BBC3: variants seen among roughly 807,000 people sequenced by gnomAD.
The protein encoded by BBC3 is bcl-2-binding component 3.
In BBC3, 5 loss-of-function variants were observed where a neutral mutation model predicts 18.2. The ratio of observed to expected loss-of-function variants is 0.27; its 90% confidence interval spans 0.14 to 0.58. The LOEUF is 0.58. BBC3 is among the 20% of genes least tolerant of loss of function. The pLI is 0.91. For synonymous variants in BBC3, 119 were observed against 128.0 expected, an observed-to-expected ratio of 0.93 and a Z score of 0.47; for missense variants, 224 against 268.9, an observed-to-expected ratio of 0.83 and a Z score of 1.17.
At chr19:47,229,849 C>T (rs2058888092) in intron 1 of BBC3, among the ~76,000 whole-genome samples, 1 of 152,104 alleles carries the variant, frequency 6.6e-6, no homozygotes, top group Non-Finnish European at 1.5e-5. Flanking sequence ...TGACAACTCA[C>T]ACAGACACCT....
At chr19:47,226,879 A>G (rs950179310) in intron 2 of BBC3, 125 bp from the exon 3 acceptor site, 3 of 871,804 alleles carry the variant, frequency 3.4e-6, no homozygotes, top group Non-Finnish European at 4.8e-6. Context: ...ATCGCTAGTG[A>G]GTCAATTTCT....
chr19:47,226,496 G>T, intron 3 of BBC3, 68 bp downstream of exon 3: 1 of 1,455,864 alleles, frequency 6.9e-7, no homozygotes. Context: ...ACATCTGGCG[G>T]GGGCCGCCTG....
In BBC3 at chr19:47,231,100, C is replaced by G; in HGVS notation, c.-187G>C. On this transcript the variant is annotated 5_prime_UTR_variant, in exon 1 of 4. Coordinates refer to ENST00000439096, the MANE Select transcript of BBC3 (RefSeq NM_014417.5). This position sits in a 1 kb window ranked among gnomAD's most constrained non-coding sequence, Gnocchi z 4.0. Reference sequence around the variant, plus strand: ...TGTGGCTGTGGCTGCTGCTGCTCCCCGGGCCGCAGGCGCGTCCGCGTCGTG... The same window carrying G: ...TGTGGCTGTGGCTGCTGCTGCTCCCGGGGCCGCAGGCGCGTCCGCGTCGTG... 1.0e-6 allele frequency: 1 copy of G among 973,618 alleles called. No homozygotes were observed. Among genetic ancestry groups the G allele is most frequent in the East Asian group, 1.1e-4 (1 of 8,788 alleles). The allele number at this position is 973,618 out of a possible 1,614,324, so 60.3% of individuals were successfully genotyped here.
At position 47,226,556 on chromosome 19, in the gene BBC3, G is replaced by A. The variant is rs753260195; in HGVS notation, c.465+8C>T. ...CCACCTGCCGTCTACCCCACCCCCAGCACTCACCCGCCGCTCGTACTGTGC... is the reference window on the plus strand; with the variant it reads ...CCACCTGCCGTCTACCCCACCCCCAACACTCACCCGCCGCTCGTACTGTGC... On this transcript the variant is annotated splice_region_variant and intron_variant, in intron 3 of 3. Coordinates refer to ENST00000439096, the MANE Select transcript of BBC3 (RefSeq NM_014417.5). The A allele has an allele frequency of 9.1e-6, 14 of 1,544,380 alleles. No homozygotes were observed. Among genetic ancestry groups the A allele is most frequent in the Middle Eastern group, 1.7e-4 (1 of 5,842 alleles).
chr19:47,221,943 A>C, intron 3 of BBC3, 25 bp from the exon 4 acceptor site: 1 of 1,579,052 alleles, frequency 6.3e-7, no homozygotes, highest in Non-Finnish European at 8.6e-7. Context: ...GAGAAGGGGC[A>C]GTTAGCAGGG....
upstream of BBC3, among the ~76,000 whole-genome samples, chr19:47,232,223 T>C (rs2058921572): frequency 6.6e-6 from 1 of 152,188 alleles, no homozygotes. Context: ...TTGTGGCGCA[T>C]GCCTGTAATC....
In BBC3 at chr19:47,226,719, G is replaced by A. The variant is rs1463600288; in HGVS notation, c.310C>T (p.Leu104=). ...QPSLSLAEQH[L]ESPVPSAPGA... The stretch of plus-strand genomic sequence containing the variant: ...GGGGCGCTGGGCACGGGCGACTCCA[G>A]GTGCTGCTCCGCCAGCGAGAGCGAG... The change falls in exon 3 of 4, where the codon CTG becomes TTG. Residue 104 remains leucine (L), a synonymous_variant. Transcript: ENST00000439096. 2.1e-6 allele frequency: 3 copies of A among 1,427,748 alleles called. No homozygotes were observed. The allele number at this position is 1,427,748 out of a possible 1,614,324, so 88.4% of individuals were successfully genotyped here.
upstream of BBC3, chr19:47,232,667 T>TG (rs140410047): frequency 7.8e-4 from 1,121 of 1,433,330 alleles, 6 homozygotes; most frequent in African/African-American, 0.014. Flanking sequence ...TGCCCTGCTC[T>TG]GGTTTGGTGA....
intron 3 of BBC3, among the ~76,000 whole-genome samples, chr19:47,226,293 C>T (rs2058818933): frequency 1.3e-5 from 2 of 151,834 alleles, no homozygotes; most frequent in East Asian, 1.9e-4. Context: ...GGCCGCGGGC[C>T]ACGGGCGCGC....
At chr19:47,232,739 C>G, upstream of BBC3, 1 of 738,386 alleles carries the variant, frequency 1.4e-6, no homozygotes, top group Non-Finnish European at 2.2e-6. Context: ...TCCATCCTTA[C>G]TGGGTCTCAC....
rs990400673 is a variant in BBC3, at chr19:47,221,524, C to T, written c.*278G>A. The stretch of plus-strand genomic sequence containing the variant: ...GGCGGCAGAGGCGGGCGGCTCAGTC[C>T]CCACCCCCTCGGTCACCGCCACCTT... On this transcript the variant is annotated 3_prime_UTR_variant, in exon 4 of 4. Transcript: ENST00000439096. 3.5e-6 allele frequency: 2 copies of T among 579,294 alleles called. No homozygotes were observed. Among genetic ancestry groups the T allele is most frequent in the African/African-American group, 3.9e-5 (2 of 50,816 alleles). The allele number at this position is 579,294 out of a possible 1,614,324, so 35.9% of individuals were successfully genotyped here. A position where few individuals can be genotyped will look rare whatever the true frequency, so the allele number is the denominator to read the frequency against.
intron 3 of BBC3, 123 bp from the exon 4 acceptor site, chr19:47,222,041 C>G (rs145749398): frequency 0.02 from 17,037 of 854,126 alleles, 228 homozygotes; most frequent in Non-Finnish European, 0.024. Context: ...CTCCTCCCCC[C>G]GCCTGGGCTA....
chr19:47,227,532 G>A (rs1370510910), intron 2 of BBC3, among the ~76,000 whole-genome samples: 1 of 152,118 alleles, frequency 6.6e-6, no homozygotes, highest in Non-Finnish European at 1.5e-5. Flanking sequence ...ACAAGATGGG[G>A]GATGGGAAAC....
upstream of BBC3, chr19:47,232,787 A>G (rs900790258): frequency 2.2e-5 from 11 of 501,062 alleles, no homozygotes; most frequent in East Asian, 3.3e-5. Context: ...CTCACCTTCC[A>G]GTGCCTAGTG....
rs1477214746 is a variant in BBC3 at position 47,221,635 on chromosome 19, T to C, written c.*167A>G. The C allele has an allele frequency of 1.4e-6, 2 of 1,397,754 alleles. No individual in the cohort carries two copies. Among genetic ancestry groups the C allele is most frequent in the Non-Finnish European group, 1.9e-6 (2 of 1,040,074 alleles). The allele number at this position is 1,397,754 out of a possible 1,614,324, so 86.6% of individuals were successfully genotyped here. A position where few individuals can be genotyped will look rare whatever the true frequency, so the allele number is the denominator to read the frequency against. ...GCATCTCCGTCAGTGCACCCCAGGC[T>C]GGGCTGGGGCTGGAGTGGCTGCCCC... On this transcript the variant is annotated 3_prime_UTR_variant, in exon 4 of 4. Coordinates refer to ENST00000439096, the MANE Select transcript of BBC3 (RefSeq NM_014417.5).
chr19:47,226,989 G>C (rs1242029390), intron 2 of BBC3: 3 of 403,648 alleles, frequency 7.4e-6, no homozygotes, highest in Non-Finnish European at 1.3e-5. Flanking sequence ...CCTTGTCAGT[G>C]TGGAAGGTAG....
chr19:47,225,404 C>G (rs746240428), intron 3 of BBC3, among the ~76,000 whole-genome samples: 1 of 151,788 alleles, frequency 6.6e-6, no homozygotes, highest in Non-Finnish European at 1.5e-5. Flanking sequence ...GTCCCCCAGG[C>G]TGGAGTTCAG....
rs2058830746 is a variant in BBC3 at position 47,226,772 on chromosome 19, G to C, written c.275-18C>G. The stretch of plus-strand genomic sequence containing the variant: ...CTGAGGACCTTGGAGAGGCAGAGGG[G>C]CGCGGTCAGCACCCACCACCCCTCC... On this transcript the variant is annotated intron_variant, in intron 2 of 3. Transcript: ENST00000439096. The C allele has an allele frequency of 2.9e-6, 4 of 1,384,412 alleles. No individual in the cohort carries two copies. The allele number at this position is 1,384,412 out of a possible 1,614,324, so 85.8% of individuals were successfully genotyped here.
intron 1 of BBC3, among the ~76,000 whole-genome samples, chr19:47,229,657 C>T (rs1568625470): frequency 6.6e-6 from 1 of 152,016 alleles, no homozygotes; most frequent in African/African-American, 2.4e-5. Context: ...AACACACACA[C>T]ACACACACAG....
Sources: gnomAD v4.1 joint callset for allele counts (sites outside exome capture counted in the v4.1 genomes callset) on GRCh38, gnomAD v4.1.1 for gene constraint, Gnocchi (gnomAD v3.1) non-coding constraint, MANE v1.5 for transcripts, NCBI Gene and HGNC (gene_info 2026-07-23, HGNC 2026-07-21) for gene names.